The following CHMP3 variants were observed in gnomAD, a reference collection of about 807,000 sequenced individuals.
The protein encoded by CHMP3 is charged multivesicular body protein 3.
A neutral mutation model predicts 27.4 loss-of-function variants in CHMP3; 8 were observed. That is an observed-to-expected ratio of 0.29 (90% CI 0.17 to 0.53). The LOEUF is 0.53. Among genes scored for constraint, CHMP3 ranks in the 20% least tolerant of loss-of-function variants. CHMP3 has a pLI of 0.96. For missense variants in CHMP3, 208 were observed against 271.5 expected (o/e 0.77, Z 1.64); for synonymous variants, 86 against 85.5 (o/e 1.01, Z -0.03).
At chr2:86,510,257 G>A in intron 4 of CHMP3, 101 bp downstream of exon 4, 2 of 1,512,380 alleles carry the variant, frequency 1.3e-6, no homozygotes, top group Non-Finnish European at 1.8e-6. Flanking sequence ...TCTAGCAGGT[G>A]TAGTCTGTTC....
At chr2:86,510,536 G>A (rs1244210288) in intron 3 of CHMP3, 57 bp from the exon 4 acceptor site, 32 of 1,584,860 alleles carry the variant, frequency 2.0e-5, no homozygotes, top group Non-Finnish European at 2.3e-5. Context: ...GAGAGAGACA[G>A]CCAAATTATG....
intron 1 of CHMP3, among the ~76,000 whole-genome samples, chr2:86,543,163 T>C (rs548384821): frequency 5.9e-5 from 9 of 152,312 alleles, no homozygotes; most frequent in African/African-American, 2.2e-4. Flanking sequence ...TGAACCCTTG[T>C]AGCATTCATT....
chr2:86,549,695 G>A (rs1331128763), intron 1 of CHMP3, among the ~76,000 whole-genome samples: 4 of 124,786 alleles, frequency 3.2e-5, no homozygotes, highest in Admixed American at 1.7e-4. Flanking sequence ...GGGCAGAGAC[G>A]CCCCTCACCT....
intron 1 of CHMP3, among the ~76,000 whole-genome samples, chr2:86,553,120 C>T (rs1191721172): frequency 2.0e-5 from 3 of 151,066 alleles, no homozygotes; most frequent in East Asian, 1.9e-4. Flanking sequence ...GGATGATGTG[C>T]GCGGCAAACC....
chr2:86,548,443 A>C (rs1053767901), intron 1 of CHMP3, among the ~76,000 whole-genome samples: 1 of 152,096 alleles, frequency 6.6e-6, no homozygotes, highest in Non-Finnish European at 1.5e-5. Flanking sequence ...ATCTTGCACC[A>C]CCCTTAATCC....
chr2:86,511,614 G>A (rs1218679178), intron 3 of CHMP3: 2 of 151,316 alleles, frequency 1.3e-5, no homozygotes, highest in African/African-American at 4.9e-5. Context: ...TATAAAGGTG[G>A]GAAGAAAAGG....
chr2:86,549,903 C>T (rs570467411), intron 1 of CHMP3, among the ~76,000 whole-genome samples: 6 of 151,100 alleles, frequency 4.0e-5, no homozygotes, highest in East Asian at 2.0e-4. Context: ...ACGGGGCGGC[C>T]GGGCAGAGGC....
chr2:86,547,018 T>C (rs1047658713), intron 1 of CHMP3, among the ~76,000 whole-genome samples: 15 of 152,218 alleles, frequency 9.9e-5, no homozygotes, highest in African/African-American at 2.9e-4. Flanking sequence ...TCTGAACTTC[T>C]TCTTAAAGTC....
chr2:86,553,153 G>T (rs1321716930), intron 1 of CHMP3, among the ~76,000 whole-genome samples: 1 of 148,666 alleles, frequency 6.7e-6, no homozygotes, highest in Non-Finnish European at 1.5e-5. Flanking sequence ...GTTTACCTAT[G>T]TAACAAACCG....
At chr2:86,562,122 T>C (rs1426743952) in intron 1 of CHMP3, 1 of 152,250 alleles carries the variant, frequency 6.6e-6, no homozygotes, top group Admixed American at 6.5e-5. Flanking sequence ...ACGAAAATAA[T>C]GAGTGTCTAC....
At chr2:86,542,530 C>T (rs1049463323) in intron 1 of CHMP3, among the ~76,000 whole-genome samples, 5 of 152,024 alleles carry the variant, frequency 3.3e-5, no homozygotes, top group African/African-American at 9.7e-5. Flanking sequence ...GATTCGTAGC[C>T]GAGGGCAGGC....
chr2:86,560,273 A>G (rs1427226375), intron 1 of CHMP3, among the ~76,000 whole-genome samples: 5 of 152,068 alleles, frequency 3.3e-5, no homozygotes, highest in Non-Finnish European at 7.4e-5. Context: ...AAAAAAAAAA[A>G]TTATTGCAGC....
intron 3 of CHMP3, chr2:86,510,704 C>T (rs1168956850): frequency 3.9e-6 from 2 of 513,898 alleles, no homozygotes; most frequent in Non-Finnish European, 6.5e-6. Context: ...ATGCACACCA[C>T]ATGACCAATC....
At position 86,555,508 on chromosome 2, in the gene CHMP3, A is replaced by T. The variant is rs73946244; in HGVS notation, c.45+7796T>A. ...AGAGCAAGACTCCATCTCAAAAAAA[A>T]AAATAAATAAATAAATAATAAATGT... On this transcript the variant is annotated intron_variant, in intron 1 of 5. Coordinates refer to ENST00000263856, the MANE Select transcript of CHMP3 (RefSeq NM_016079.4). Among the ~76,000 whole-genome samples the T allele has an allele frequency of 2.7e-3, 401 of 151,076 alleles. 4 individuals carry two copies. Among genetic ancestry groups the T allele is most frequent in the African/African-American group, 8.7e-3 (358 of 41,058 alleles).
chr2:86,543,401 G>C (rs572954074), intron 1 of CHMP3, among the ~76,000 whole-genome samples: 1 of 152,360 alleles, frequency 6.6e-6, no homozygotes, highest in African/African-American at 2.4e-5. Flanking sequence ...GAAAGGCTAA[G>C]AGGGTTCTCA....
intron 1 of CHMP3, among the ~76,000 whole-genome samples, chr2:86,546,668 C>T (rs1300570299): frequency 1.3e-5 from 2 of 152,042 alleles, no homozygotes; most frequent in African/African-American, 2.4e-5. Flanking sequence ...CACCTCCTGA[C>T]CTCAGGTAAT....
At chr2:86,519,332 T>C (rs1014219673) in intron 3 of CHMP3, among the ~76,000 whole-genome samples, 2 of 138,584 alleles carry the variant, frequency 1.4e-5, no homozygotes, top group Admixed American at 1.6e-4. Flanking sequence ...GCCACTGCGC[T>C]CCAGCCTGGG....
At chr2:86,531,994 A>G (rs938194070) in intron 2 of CHMP3, among the ~76,000 whole-genome samples, 2 of 152,234 alleles carry the variant, frequency 1.3e-5, no homozygotes, top group Non-Finnish European at 1.5e-5. Context: ...AAAAAATGTC[A>G]TTGGGATTTT....
At chr2:86,549,671 A>T (rs1279637008) in intron 1 of CHMP3, among the ~76,000 whole-genome samples, 2 of 134,658 alleles carry the variant, frequency 1.5e-5, no homozygotes, top group Non-Finnish European at 3.1e-5. Flanking sequence ...CACTTCCCAG[A>T]TGGGGTGGCG....
Sources: gnomAD v4.1 joint callset for allele counts (sites outside exome capture counted in the v4.1 genomes callset) on GRCh38, gnomAD v4.1.1 for gene constraint, MANE v1.5 for transcripts, NCBI Gene and HGNC (gene_info 2026-07-23, HGNC 2026-07-21) for gene names.